The following RNF130 variants were observed in gnomAD, a reference collection of about 807,000 sequenced individuals.
RNF130 encodes the protein ring finger protein 130, also known as E3 ubiquitin-protein ligase RNF130.
A neutral mutation model predicts 44.6 loss-of-function variants in RNF130; 21 were observed. The ratio of observed to expected loss-of-function variants is 0.47; its 90% CI spans 0.33 to 0.68. The LOEUF is 0.68. Among genes scored for constraint, RNF130 ranks in the 30% least tolerant of loss-of-function variants. The probability of loss-of-function intolerance (pLI) is 0.02; values close to 1 mark genes in which losing one functional copy is unlikely to be tolerated. For missense variants in RNF130, 479 were observed against 560.6 expected (o/e 0.85, Z 1.47); for synonymous variants, 214 against 210.4 (o/e 1.02, Z -0.15).
chr5:180,038,480 C>A (rs758259332), intron 2 of RNF130, among the ~76,000 whole-genome samples: 6 of 151,220 alleles, frequency 4.0e-5, no homozygotes, highest in Middle Eastern at 3.4e-3. Flanking sequence ...CAGGTGTGAG[C>A]CACTGCGACC....
At chr5:179,995,063 CAGGGATCT>C (rs1271194577) in intron 3 of RNF130, among the ~76,000 whole-genome samples, 1 of 152,172 alleles carries the variant, frequency 6.6e-6, no homozygotes, top group Non-Finnish European at 1.5e-5. Context: ...CTGGCTCTGA[CAGGGATCT>C]AGGGACAGTT....
chr5:180,061,309 C>G (rs1320812608), intron 1 of RNF130, among the ~76,000 whole-genome samples: 1 of 152,132 alleles, frequency 6.6e-6, no homozygotes, highest in Non-Finnish European at 1.5e-5. Context: ...CAGGCACATC[C>G]AGAAGGATGA....
intron 3 of RNF130, among the ~76,000 whole-genome samples, chr5:179,982,982 GTT>G (rs1762871517): frequency 6.6e-6 from 1 of 152,082 alleles, no homozygotes; most frequent in African/African-American, 2.4e-5. Flanking sequence ...TGAAGTGTCT[GTT>G]CATGTGTTTT....
intron 1 of RNF130, among the ~76,000 whole-genome samples, chr5:180,055,451 TGC>T (rs1554107241): frequency 2.0e-5 from 3 of 151,106 alleles, no homozygotes; most frequent in African/African-American, 4.9e-5. Flanking sequence ...TGTGTGTGTG[TGC>T]GTGTGTGTGT....
intron 7 of RNF130, among the ~76,000 whole-genome samples, chr5:179,937,270 T>C (rs547624175): frequency 1.3e-5 from 2 of 152,140 alleles, no homozygotes; most frequent in African/African-American, 4.8e-5. Flanking sequence ...ACACAACTTA[T>C]AGAATGGAGA....
intron 7 of RNF130, among the ~76,000 whole-genome samples, chr5:179,924,106 A>T (rs1761673611): frequency 6.6e-6 from 1 of 152,176 alleles, no homozygotes; most frequent in Non-Finnish European, 1.5e-5. Flanking sequence ...GCTACTAGGG[A>T]GGCTGAGGTG....
At chr5:179,996,281 G>C (rs559234512) in intron 3 of RNF130, among the ~76,000 whole-genome samples, 113 of 152,286 alleles carry the variant, frequency 7.4e-4, no homozygotes, top group Non-Finnish European at 1.5e-3. Flanking sequence ...TATATACACA[G>C]AACTGATTTC....
At chr5:179,946,259 A>C (rs1762035017) in intron 7 of RNF130, among the ~76,000 whole-genome samples, 1 of 152,170 alleles carries the variant, frequency 6.6e-6, no homozygotes, top group African/African-American at 2.4e-5. Context: ...TTCACTGTCC[A>C]TGTGTCTAGG....
chr5:179,917,758 T>C (rs1203327884), exon 8 of RNF130: 2 of 152,142 alleles, frequency 1.3e-5, no homozygotes, highest in African/African-American at 4.8e-5. Flanking sequence ...TCCCGGAACT[T>C]TGGGAGGCCG....
At chr5:179,967,988 T>G (rs927479371) in intron 6 of RNF130, among the ~76,000 whole-genome samples, 2 of 152,224 alleles carry the variant, frequency 1.3e-5, no homozygotes, top group African/African-American at 4.8e-5. Context: ...GAGAAAAGTA[T>G]TAGCACTTAA....
At chr5:180,038,419 T>A (rs1444326262) in intron 2 of RNF130, among the ~76,000 whole-genome samples, 10 of 150,636 alleles carry the variant, frequency 6.6e-5, no homozygotes, top group South Asian at 4.2e-4. Flanking sequence ...TTGTTTTTTT[T>A]TTTATTTTGA....
At chr5:179,963,018 C>A (rs1047516167) in intron 8 of RNF130, among the ~76,000 whole-genome samples, 1 of 152,242 alleles carries the variant, frequency 6.6e-6, no homozygotes, top group African/African-American at 2.4e-5. Context: ...TTCTTTCCTG[C>A]AGGCCAAGTA....
chr5:179,928,631 GTT>G (rs11346161), intron 7 of RNF130, among the ~76,000 whole-genome samples: 6,868 of 133,882 alleles, frequency 0.051, 485 homozygotes, highest in African/African-American at 0.18. Flanking sequence ...AATTGTTGTT[GTT>G]TTTTTTTTTT....
chr5:179,928,805 T>A (rs1261072798), intron 7 of RNF130, among the ~76,000 whole-genome samples: 1 of 152,082 alleles, frequency 6.6e-6, no homozygotes. Flanking sequence ...ATTTTTTGTA[T>A]TTTTAGTAGA....
intron 7 of RNF130, among the ~76,000 whole-genome samples, chr5:179,965,847 T>C (rs989565936): frequency 6.6e-6 from 1 of 152,200 alleles, no homozygotes; most frequent in African/African-American, 2.4e-5. Flanking sequence ...ATGAATACTT[T>C]GATTGAACAG....
chr5:179,974,821 G>C (rs1376005066), intron 5 of RNF130, among the ~76,000 whole-genome samples: 1 of 152,276 alleles, frequency 6.6e-6, no homozygotes, highest in Non-Finnish European at 1.5e-5. Flanking sequence ...CCGAGGAAGG[G>C]AGAGAGCAGG....
intron 1 of RNF130, among the ~76,000 whole-genome samples, chr5:180,060,885 C>T (rs374289911): frequency 9.9e-5 from 15 of 151,788 alleles, no homozygotes; most frequent in South Asian, 2.1e-4. Context: ...CTGGCTAACA[C>T]GGTGAAACCC....
intron 3 of RNF130, among the ~76,000 whole-genome samples, chr5:180,002,009 A>G (rs1465232516): frequency 6.6e-6 from 1 of 152,186 alleles, no homozygotes; most frequent in Non-Finnish European, 1.5e-5. Context: ...CAACTCCCCA[A>G]AGGATAATGT....
At chr5:179,931,851 T>C (rs1012802371) in intron 7 of RNF130, among the ~76,000 whole-genome samples, 17 of 152,070 alleles carry the variant, frequency 1.1e-4, no homozygotes, top group Admixed American at 3.3e-4. Context: ...CCCGTGACTG[T>C]AGAGTACCTT....
Sources: allele counts gnomAD v4.1 joint callset (sites outside exome capture counted in the v4.1 genomes callset), GRCh38; gene constraint gnomAD v4.1.1; transcripts MANE v1.5; gene names NCBI Gene and HGNC (gene_info 2026-07-23, HGNC 2026-07-21).